PROSER2: variants seen among roughly 807,000 people sequenced by gnomAD.
PROSER2 encodes proline and serine-rich protein 2.
PROSER2 carries 18 observed loss-of-function variants against 14.6 expected under a neutral mutation model. That is an observed-to-expected ratio of 1.23 (90% CI 0.85 to 1.83). The LOEUF (loss-of-function observed/expected upper bound fraction) is 1.83, where lower values mean the gene tolerates loss of function less well. Among genes scored for constraint, PROSER2 ranks in the 40% most tolerant of loss-of-function variants. The pLI is 0.00. For synonymous variants in PROSER2, 367 were observed against 286.4 expected (o/e 1.28, Z -2.84); for missense variants, 823 against 629.8 (o/e 1.31, Z -3.28).
In PROSER2 at chr10:11,870,056, C is replaced by A; in HGVS notation, c.958C>A (p.Arg320=). The A allele has an allele frequency of 8.1e-7, 1 of 1,241,820 alleles. No homozygotes were observed. The highest frequency in any genetic ancestry group is 3.4e-5 in the East Asian group (1 of 29,474). The allele number at this position is 1,241,820 out of a possible 1,614,324, so 76.9% of individuals were successfully genotyped here. ...CTCCCCGGAGCGGGTGGCGCGTGGCCGGGGCCTGCCGGGCCCCGCTGAGAG... is the reference window on the plus strand; with the variant it reads ...CTCCCCGGAGCGGGTGGCGCGTGGCAGGGGCCTGCCGGGCCCCGCTGAGAG... ...GSSPERVARG[R]GLPGPAESLR... Residue 320 remains arginine, a synonymous_variant, in exon 4 of 4, where the codon CGG becomes AGG. Transcript: ENST00000277570.
intron 3 of PROSER2, among the ~76,000 whole-genome samples, chr10:11,868,492 G>A (rs1374397233): frequency 2.0e-5 from 3 of 151,890 alleles, no homozygotes; most frequent in African/African-American, 7.3e-5. Context: ...GGCTGGTCTC[G>A]AACTCTTGGG....
intron 1 of PROSER2, chr10:11,831,951 T>C (rs537193585): frequency 6.6e-6 from 1 of 152,324 alleles, no homozygotes; most frequent in Non-Finnish European, 1.5e-5. Context: ...AGAGACAGTT[T>C]GAAATCAACC....
rs116284540 is a variant in PROSER2, at chr10:11,837,566, G to A, written c.-82+14096G>A. The stretch of plus-strand genomic sequence containing the variant: ...CCTGTTTTTGTGAAGTGTTTGCAAT[G>A]GCAATGAGTTGCGTAACATAGACAT... On this transcript the variant is annotated intron_variant, in intron 1 of 3. Coordinates refer to ENST00000277570, the MANE Select transcript of PROSER2 (RefSeq NM_153256.4). The surrounding 1 kb of genome is among the most constrained non-coding windows in gnomAD (Gnocchi z 4.6). Among the ~76,000 whole-genome samples the A allele has an allele frequency of 8.5e-3, 1,289 of 152,276 alleles. 22 individuals are homozygous for A. The highest frequency in any genetic ancestry group is 0.029 in the African/African-American group (1,214 of 41,542).
Position 11,870,006 on chromosome 10 carries a change from G to T in PROSER2, c.908G>T (p.Gly303Val). The T allele has an allele frequency of 8.0e-7, 1 of 1,250,198 alleles. No individual in the cohort carries two copies. Among genetic ancestry groups the T allele is most frequent in the Non-Finnish European group, 1.0e-6 (1 of 998,534 alleles). 77.4% of individuals were successfully genotyped at this position (1,250,198 alleles called of 1,614,324 possible). Reference sequence around the variant, plus strand: ...GCCTTCCCCGCCGCGGGGGACGCCGGCGAGGGGGCCCCAGGGGGCGGCTCC... The same window carrying T: ...GCCTTCCCCGCCGCGGGGGACGCCGTCGAGGGGGCCCCAGGGGGCGGCTCC... ...AGAFPAAGDAGEGAPGGGSSP... is the reference protein window; with the variant it reads ...AGAFPAAGDAVEGAPGGGSSP... The change falls in exon 4 of 4, where the codon GGC (glycine) becomes GTC (valine). Residue 303 changes from glycine to valine, a missense_variant. Transcript: ENST00000277570.
chr10:11,843,491 T>G (rs1833880191), intron 1 of PROSER2, among the ~76,000 whole-genome samples: 1 of 150,936 alleles, frequency 6.6e-6, no homozygotes, highest in South Asian at 2.1e-4. Flanking sequence ...ATCGAGACCA[T>G]CCTGGCCAAC....
intron 1 of PROSER2, among the ~76,000 whole-genome samples, chr10:11,824,276 C>A (rs951730388): frequency 6.6e-6 from 1 of 152,012 alleles, no homozygotes; most frequent in Non-Finnish European, 1.5e-5. Flanking sequence ...CAGAGTAAAA[C>A]GTTCAGATCT....
chr10:11,854,717 C>G (rs901574626), intron 2 of PROSER2, among the ~76,000 whole-genome samples: 1 of 152,072 alleles, frequency 6.6e-6, no homozygotes, highest in Admixed American at 6.6e-5. Context: ...GTCACCATCC[C>G]CGACTAATTT....
chr10:11,855,152 T>G (rs546904302), intron 2 of PROSER2, among the ~76,000 whole-genome samples: 5 of 151,456 alleles, frequency 3.3e-5, no homozygotes, highest in South Asian at 4.2e-4. Context: ...TTTTTGTTTT[T>G]TTTTTTTTTT....
At position 11,870,131 on chromosome 10, in the gene PROSER2, T is replaced by A; in HGVS notation, c.1033T>A (p.Phe345Ile). The A allele has an allele frequency of 7.2e-7, 1 of 1,383,288 alleles. No individual in the cohort carries two copies. Among genetic ancestry groups the A allele is most frequent in the Non-Finnish European group, 9.3e-7 (1 of 1,074,360 alleles). 85.7% of individuals were successfully genotyped at this position (1,383,288 alleles called of 1,614,324 possible). A position where few individuals can be genotyped will look rare whatever the true frequency, so the allele number is the denominator to read the frequency against. ...GCGGGGCCCGGCGCTGGCCAACGGC[T>A]TCCCAAGTGCGCACGAGGCCCTGAA... ...APRGPALANG[F>I]PSAHEALKSA... Residue 345 changes from phenylalanine to isoleucine, a missense_variant, in exon 4 of 4, where the codon TTC becomes ATC. Phe to Ile is a conservative substitution (Grantham distance 21). Coordinates refer to ENST00000277570, the MANE Select transcript of PROSER2 (RefSeq NM_153256.4).
chr10:11,869,696 A>G lies in PROSER2; in HGVS notation c.598A>G (p.Lys200Glu). 6.3e-7 allele frequency: 1 copy of G among 1,597,696 alleles called. No individual in the cohort carries two copies. Among genetic ancestry groups the G allele is most frequent in the South Asian group, 1.1e-5 (1 of 88,540 alleles). ...SVPTPLVMAQ[K>E]ISERMAGNEA... ...TCCCACGCCCCTCGTTATGGCGCAG[A>G]AGATTTCCGAGAGGATGGCGGGGAA... The change falls in exon 4 of 4, where the codon AAG becomes GAG. Residue 200 changes from lysine (K) to glutamate (E), a missense_variant. Physicochemically the swap from Lys to Glu is moderately conservative, Grantham distance 56. Coordinates refer to ENST00000277570, the MANE Select transcript of PROSER2 (RefSeq NM_153256.4). This position sits in a 1 kb window ranked among gnomAD's most constrained non-coding sequence, Gnocchi z 4.4.
intron 1 of PROSER2, chr10:11,831,768 A>C (rs1833691782): frequency 6.6e-6 from 1 of 152,110 alleles, no homozygotes; most frequent in South Asian, 2.1e-4. Context: ...AGTGATGGCG[A>C]ACCGACACTA....
At chr10:11,861,573 C>T (rs1269348631) in intron 2 of PROSER2, among the ~76,000 whole-genome samples, 2 of 152,154 alleles carry the variant, frequency 1.3e-5, no homozygotes, top group Non-Finnish European at 2.9e-5. Context: ...ATGGGCGTCG[C>T]TGCCTTAGAA....
intron 2 of PROSER2, among the ~76,000 whole-genome samples, chr10:11,864,591 TC>T (rs1834307719): frequency 1.4e-5 from 2 of 140,912 alleles, no homozygotes; most frequent in Admixed American, 1.5e-4. Flanking sequence ...ATTTTTTTTT[TC>T]TTTTTTTTTT....
rs5783233 is a variant in PROSER2 at position 11,833,235 on chromosome 10, C to CTTTTTTTTTTTTTTTTT, written c.-82+9770_-82+9786dup. On this transcript the variant is annotated intron_variant, in intron 1 of 3. Coordinates refer to ENST00000277570, the MANE Select transcript of PROSER2 (RefSeq NM_153256.4). ...ACAAGTATTATACAAAATGTTGTGG[C>CTTTTTTTTTTTTTTTTT]TTTTTTTTTTTTTTTTTTTTTAGTT... 8.0e-5 allele frequency among the ~76,000 whole-genome samples: 7 copies of CTTTTTTTTTTTTTTTTT among 87,662 alleles called. 1 individual carries two copies. Among genetic ancestry groups the CTTTTTTTTTTTTTTTTT allele is most frequent in the East Asian group, 5.2e-4 (1 of 1,918 alleles). 57.5% of individuals were successfully genotyped at this position (87,662 alleles called of 152,430 possible).
Position 11,869,739 on chromosome 10 carries a change from C to G in PROSER2, c.641C>G (p.Thr214Ser). 5 of 1,586,810 alleles carry G rather than the reference C, an allele frequency of 3.2e-6. No homozygotes were observed. The highest frequency in any genetic ancestry group is 4.3e-6 in the Non-Finnish European group (5 of 1,167,908). ...GCGGGGAACGAAGCCCTCTCGCCCA[C>G]CTCCCCGTTCAGGGAGGGCCGGCCC... ...RMAGNEALSPTSPFREGRPGE... is the reference protein window; with the variant it reads ...RMAGNEALSPSSPFREGRPGE... Residue 214 changes from threonine to serine, a missense_variant, in exon 4 of 4, where the codon ACC becomes AGC. Coordinates refer to ENST00000277570, the MANE Select transcript of PROSER2 (RefSeq NM_153256.4). This position sits in a 1 kb window ranked among gnomAD's most constrained non-coding sequence, Gnocchi z 4.4.
rs565283099 is a variant in PROSER2, at chr10:11,862,174, G to A, written c.139-4357G>A. 1.3e-5 allele frequency among the ~76,000 whole-genome samples: 2 copies of A among 152,296 alleles called. No individual in the cohort carries two copies. Among genetic ancestry groups the A allele is most frequent in the South Asian group, 2.1e-4 (1 of 4,826 alleles). On this transcript the variant is annotated intron_variant, in intron 2 of 3. Transcript: ENST00000277570. The surrounding 1 kb of genome is among the most constrained non-coding windows in gnomAD (Gnocchi z 4.2). ...ATGAAGCCATGAGCCATATTCATGG[G>A]TCAAGAAAAGATCGCAGAGACATCA...
chr10:11,843,140 CCA>C (rs1564304869), intron 1 of PROSER2, among the ~76,000 whole-genome samples: 19 of 148,580 alleles, frequency 1.3e-4, no homozygotes, highest in African/African-American at 3.9e-4. Context: ...CGGGGTTTCA[CCA>C]TGTTAGCCAG....
At chr10:11,825,320 C>T (rs981481370) in intron 1 of PROSER2, among the ~76,000 whole-genome samples, 7 of 152,294 alleles carry the variant, frequency 4.6e-5, no homozygotes, top group South Asian at 2.1e-4. Flanking sequence ...AGAGGCCATT[C>T]GGGAGGTGCC....
chr10:11,870,331 C>T lies in PROSER2; in HGVS notation c.1233C>T (p.Phe411=), dbSNP rs1588503573. 3 of 1,503,680 alleles carry T rather than the reference C, an allele frequency of 2.0e-6. No individual in the cohort carries two copies. The highest frequency in any genetic ancestry group is 1.8e-6 in the Non-Finnish European group (2 of 1,130,034). The allele number at this position is 1,503,680 out of a possible 1,614,324, so 93.1% of individuals were successfully genotyped here. A position where few individuals can be genotyped will look rare whatever the true frequency, so the allele number is the denominator to read the frequency against. Residue 411 remains phenylalanine, a synonymous_variant, in exon 4 of 4, where the codon TTC becomes TTT. Transcript: ENST00000277570. The stretch of plus-strand genomic sequence containing the variant: ...GGCCCCAGGGCATCACCGTGCAGTT[C>T]GCGGGCCGCGGCTCCTCGGAGGAGG... ...LPRPQGITVQ[F]AGRGSSEEAR...
Sources: allele counts gnomAD v4.1 joint callset (sites outside exome capture counted in the v4.1 genomes callset), GRCh38; gene constraint gnomAD v4.1.1; non-coding constraint Gnocchi (gnomAD v3.1); transcripts MANE v1.5; gene names NCBI Gene and HGNC (gene_info 2026-07-23, HGNC 2026-07-21).